NPSR1: variants seen among roughly 807,000 people sequenced by gnomAD.
NPSR1 encodes the protein neuropeptide S receptor 1.
In NPSR1, 48 loss-of-function variants were observed where a neutral mutation model predicts 46.9. The ratio of observed to expected loss-of-function variants is 1.02; its 90% confidence interval spans 0.81 to 1.30. The LOEUF (loss-of-function observed/expected upper bound fraction) is 1.30, where lower values mean the gene tolerates loss of function less well. NPSR1 is among the 50% of genes most tolerant of loss of function. The pLI is 0.00. For synonymous variants in NPSR1, 176 were observed against 168.1 expected (o/e 1.05, Z -0.36); for missense variants, 450 against 449.5 (o/e 1.00, Z -0.01).
chr7:34,754,330 GA>G (rs1785702028), intron 2 of NPSR1, among the ~76,000 whole-genome samples: 2 of 152,126 alleles, frequency 1.3e-5, no homozygotes, highest in South Asian at 2.1e-4. Context: ...GGTTGCTTCT[GA>G]AAAAAGAACT....
chr7:34,708,056 T>G (rs59270315), intron 2 of NPSR1, among the ~76,000 whole-genome samples: 4,364 of 152,270 alleles, frequency 0.029, 65 homozygotes, highest in African/African-American at 0.036. Context: ...CACCCAGAAT[T>G]ACCTCATCTT....
At chr7:34,663,476 A>C (rs1025943269) in intron 1 of NPSR1, among the ~76,000 whole-genome samples, 2 of 152,088 alleles carry the variant, frequency 1.3e-5, no homozygotes, top group African/African-American at 4.8e-5. Context: ...CTCATGATAG[A>C]TGGGAAAATC....
intron 6 of NPSR1, among the ~76,000 whole-genome samples, chr7:34,840,683 A>T (rs763818566): frequency 2.0e-5 from 3 of 152,184 alleles, no homozygotes; most frequent in Non-Finnish European, 2.9e-5. Flanking sequence ...GTGGCTGTGG[A>T]GCATCTGCTG....
chr7:34,760,486 A>G (rs144990722), intron 2 of NPSR1, among the ~76,000 whole-genome samples: 6 of 152,334 alleles, frequency 3.9e-5, no homozygotes, highest in African/African-American at 1.4e-4. Flanking sequence ...AGCAGAGCCA[A>G]CATTCAAAAT....
intron 2 of NPSR1, among the ~76,000 whole-genome samples, chr7:34,724,647 A>G (rs1784040911): frequency 6.6e-6 from 1 of 152,180 alleles, no homozygotes; most frequent in Non-Finnish European, 1.5e-5. Context: ...AGTGGTGAAG[A>G]GCGTGGAGTC....
At chr7:34,724,339 T>C (rs928199443) in intron 2 of NPSR1, among the ~76,000 whole-genome samples, 1 of 152,238 alleles carries the variant, frequency 6.6e-6, no homozygotes, top group Admixed American at 6.5e-5. Flanking sequence ...CCTTTGTTCA[T>C]AGTTGGATGT....
rs1171036082 is a variant in NPSR1, at chr7:34,790,723, G to A, written c.384+12158G>A. On this transcript the variant is annotated intron_variant, in intron 3 of 8. Transcript: ENST00000360581. The stretch of plus-strand genomic sequence containing the variant: ...ATGTTCTATGTTATATATAATATAT[G>A]TTATATGTTATATGTTATATATAAT... Among the ~76,000 whole-genome samples the A allele has an allele frequency of 3.1e-5, 3 of 95,682 alleles. 1 individual carries two copies. Among genetic ancestry groups the A allele is most frequent in the African/African-American group, 1.6e-4 (3 of 19,058 alleles). The allele number at this position is 95,682 out of a possible 152,430, so 62.8% of individuals were successfully genotyped here. A position where few individuals can be genotyped will look rare whatever the true frequency, so the allele number is the denominator to read the frequency against.
chr7:34,826,414 G>A (rs945590026), intron 4 of NPSR1, among the ~76,000 whole-genome samples: 2 of 151,942 alleles, frequency 1.3e-5, no homozygotes, highest in African/African-American at 2.4e-5. Context: ...ACACACTGTC[G>A]AACAACACCA....
chr7:34,743,519 C>T (rs1009876808), intron 2 of NPSR1, among the ~76,000 whole-genome samples: 1 of 151,798 alleles, frequency 6.6e-6, no homozygotes, highest in Non-Finnish European at 1.5e-5. Flanking sequence ...TGGCGCACTG[C>T]AACCTCCGCC....
intron 1 of NPSR1, among the ~76,000 whole-genome samples, chr7:34,663,479 G>A (rs1431445845): frequency 2.0e-5 from 3 of 152,070 alleles, no homozygotes; most frequent in African/African-American, 7.2e-5. Context: ...ATGATAGATG[G>A]GAAAATCTGG....
intron 2 of NPSR1, among the ~76,000 whole-genome samples, chr7:34,713,187 T>G (rs537039476): frequency 1.1e-4 from 17 of 152,350 alleles, no homozygotes; most frequent in African/African-American, 4.1e-4. Flanking sequence ...GAATTTCAAT[T>G]GTCAGATCTG....
At chr7:34,746,028 G>A (rs1166214711) in intron 2 of NPSR1, among the ~76,000 whole-genome samples, 3 of 152,244 alleles carry the variant, frequency 2.0e-5, no homozygotes, top group Middle Eastern at 3.4e-3. Context: ...CAGAGTCTTA[G>A]TGACCCTCAG....
chr7:34,753,632 T>C (rs1171522308), intron 2 of NPSR1: 1 of 152,066 alleles, frequency 6.6e-6, no homozygotes, highest in African/African-American at 2.4e-5. Flanking sequence ...ACAGAGCAAG[T>C]CAAAATTCCC....
At chr7:34,707,742 A>T (rs1228263636) in intron 2 of NPSR1, among the ~76,000 whole-genome samples, 2 of 152,234 alleles carry the variant, frequency 1.3e-5, no homozygotes, top group Non-Finnish European at 2.9e-5. Flanking sequence ...TAGAGGGCAG[A>T]GGAGAAGTCT....
chr7:34,812,912 A>T (rs912176921), intron 4 of NPSR1, among the ~76,000 whole-genome samples: 5 of 152,260 alleles, frequency 3.3e-5, no homozygotes, highest in Non-Finnish European at 1.5e-5. Flanking sequence ...CTAGGGAAGC[A>T]AATTTAATAG....
chr7:34,659,654 C>T (rs1791354107), intron 1 of NPSR1, among the ~76,000 whole-genome samples: 2 of 152,224 alleles, frequency 1.3e-5, no homozygotes, highest in South Asian at 4.1e-4. Context: ...AACTACTCCT[C>T]CACTGGCTTC....
chr7:34,663,105 T>G (rs997138796), intron 1 of NPSR1, among the ~76,000 whole-genome samples: 61 of 71,672 alleles, frequency 8.5e-4, no homozygotes, highest in South Asian at 2.2e-3. Context: ...CGGGGGGGAG[T>G]GGGGGTAGAG....
intron 2 of NPSR1, among the ~76,000 whole-genome samples, chr7:34,698,995 C>T (rs1411045507): frequency 6.6e-6 from 1 of 152,152 alleles, no homozygotes; most frequent in Non-Finnish European, 1.5e-5. Context: ...TTTCAGATGA[C>T]CATCTGATTA....
Position 34,815,265 on chromosome 7 carries a change from C to T in NPSR1, c.478+3402C>T, listed in dbSNP as rs914833618. ...GCTGAAAACCATGGCACAAGAACTTCGTGAGGCATGCACAAGCTTCAATAG... is the reference window on the plus strand; with the variant it reads ...GCTGAAAACCATGGCACAAGAACTTTGTGAGGCATGCACAAGCTTCAATAG... On this transcript the variant is annotated intron_variant, in intron 4 of 8. Coordinates refer to ENST00000360581, the MANE Select transcript of NPSR1 (RefSeq NM_207172.2). 1.3e-4 allele frequency among the ~76,000 whole-genome samples: 20 copies of T among 152,250 alleles called. 1 individual carries two copies. The South Asian group carries it at 1.4e-3, about 11-fold the overall frequency.
Sources: allele counts gnomAD v4.1 joint callset (sites outside exome capture counted in the v4.1 genomes callset), GRCh38; gene constraint gnomAD v4.1.1; transcripts MANE v1.5; gene names NCBI Gene and HGNC (gene_info 2026-07-23, HGNC 2026-07-21).